Variants in GAPVD1 observed in about 807,000 individuals in gnomAD.
The protein encoded by GAPVD1 is GTPase activating protein and VPS9 domains 1.
In GAPVD1, 35 loss-of-function variants were observed where a neutral mutation model predicts 155.5. The observed-to-expected ratio is 0.23, with a 90% confidence interval of 0.17 to 0.30. GAPVD1 has a LOEUF of 0.30. Ranked by LOEUF, GAPVD1 falls within the 10% of genes least tolerant of loss-of-function variation. The pLI is 1.00. For missense variants in GAPVD1, 1,429 were observed against 1,775.7 expected (o/e 0.80, Z 3.51); for synonymous variants, 636 against 619.7 (o/e 1.03, Z -0.39).
intron 12 of GAPVD1, among the ~76,000 whole-genome samples, chr9:125,328,859 G>A (rs529262153): frequency 6.6e-6 from 1 of 152,188 alleles, no homozygotes; most frequent in Admixed American, 6.5e-5. Flanking sequence ...CCTCCCGGAC[G>A]GGGCGGCTGG....
chr9:125,299,494 A>G lies in GAPVD1; in HGVS notation c.185+388A>G, dbSNP rs146022549. Among the ~76,000 whole-genome samples the G allele has an allele frequency of 9.4e-3, 1,423 of 151,878 alleles. 12 individuals carry two copies. Among genetic ancestry groups the G allele is most frequent in the Middle Eastern group, 0.014 (4 of 292 alleles). ...AAGATGGTGAAACTCCGTCTCTACT[A>G]AAAATACAACAATTATCTGGGCATT... On this transcript the variant is annotated intron_variant, in intron 4 of 27. Transcript: ENST00000297933.
chr9:125,366,996 C>T lies in GAPVD1; in HGVS notation c.*4250C>T, dbSNP rs975637078. On this transcript the variant is annotated 3_prime_UTR_variant, in exon 28 of 28. Coordinates refer to ENST00000297933, the MANE Select transcript of GAPVD1 (RefSeq NM_001282680.3). ...AATTCACCTCTGTCAAATTAATACT[C>T]TCCTGTCTACTGGATTCTTCTTGTG... is the stretch of plus-strand genomic sequence containing the variant. 3 of 152,186 alleles carry T rather than the reference C, an allele frequency of 2.0e-5. No homozygotes were observed. Among genetic ancestry groups the T allele is most frequent in the African/African-American group, 7.2e-5 (3 of 41,430 alleles). The allele number at this position is 152,186 out of a possible 1,614,324, so 9.4% of individuals were successfully genotyped here. A position where few individuals can be genotyped will look rare whatever the true frequency, so the allele number is the denominator to read the frequency against.
rs548532146 is a variant in GAPVD1 at position 125,365,186 on chromosome 9, G to A, written c.*2440G>A. ...GGGTGCTCATGACTCCATAGCTGGC[G>A]GAGGAGCACAGCACAGCTGTTGCAG... On this transcript the variant is annotated 3_prime_UTR_variant, in exon 28 of 28. Coordinates refer to ENST00000297933, the MANE Select transcript of GAPVD1 (RefSeq NM_001282680.3). 6.6e-6 allele frequency: 1 copy of A among 152,186 alleles called. No homozygotes were observed. The highest frequency in any genetic ancestry group is 2.4e-5 in the African/African-American group (1 of 41,442). 9.4% of individuals were successfully genotyped at this position (152,186 alleles called of 1,614,324 possible). A position where few individuals can be genotyped will look rare whatever the true frequency, so the allele number is the denominator to read the frequency against.
intron 1 of GAPVD1, chr9:125,263,576 C>T (rs1833324538): frequency 6.5e-6 from 9 of 1,392,490 alleles, no homozygotes; most frequent in Non-Finnish European, 9.0e-6. Flanking sequence ...AGAATCCTCT[C>T]CAATTTTACT....
At chr9:125,307,308 A>T in intron 6 of GAPVD1, 105 bp from the exon 7 acceptor site, 5 of 720,830 alleles carry the variant, frequency 6.9e-6, no homozygotes, top group Non-Finnish European at 8.6e-6. Context: ...AAAAAATATG[A>T]TTTTTAAGAT....
At chr9:125,337,700 C>A in intron 17 of GAPVD1, 109 bp downstream of exon 17, 1 of 1,088,522 alleles carries the variant, frequency 9.2e-7, no homozygotes, top group South Asian at 1.6e-5. Context: ...AGAGAGTAGT[C>A]ATGATTAAAG....
chr9:125,289,864 G>A (rs1434186806), intron 2 of GAPVD1, among the ~76,000 whole-genome samples: 3 of 152,164 alleles, frequency 2.0e-5, no homozygotes, highest in Admixed American at 2.0e-4. Context: ...TCTGAAGATT[G>A]AGCCTTGGGG....
chr9:125,309,844 C>T (rs878890155), intron 8 of GAPVD1: 3 of 323,666 alleles, frequency 9.3e-6, no homozygotes, highest in South Asian at 5.3e-5. Context: ...TGTTACCTGG[C>T]TATTGCATTT....
At chr9:125,342,846 C>CT (rs534599112) in intron 19 of GAPVD1, among the ~76,000 whole-genome samples, 37 of 152,234 alleles carry the variant, frequency 2.4e-4, no homozygotes, top group African/African-American at 8.4e-4. Flanking sequence ...GTTTTAAAAA[C>CT]TTTACTAATT....
At chr9:125,314,858 G>A (rs1843171815) in intron 9 of GAPVD1, among the ~76,000 whole-genome samples, 1 of 149,540 alleles carries the variant, frequency 6.7e-6, no homozygotes, top group African/African-American at 2.5e-5. Context: ...TGCGATCTCG[G>A]CTCACTGCGA....
chr9:125,360,710 G>A lies in GAPVD1; in HGVS notation c.4227G>A (p.Val1409=), dbSNP rs372346628. ...PGADDFVPVL[V]FVLIKANPPC... ...CGGATGACTTTGTTCCTGTGTTGGT[G>A]TTTGTGTTGATAAAGGTGGGCCCCT... The change falls in exon 27 of 28, where the codon GTG becomes GTA. Residue 1409 remains valine, a synonymous_variant. Coordinates refer to ENST00000297933, the MANE Select transcript of GAPVD1 (RefSeq NM_001282680.3). 1.9e-6 allele frequency: 3 copies of A among 1,613,784 alleles called. No homozygotes were observed. The highest frequency in any genetic ancestry group is 2.5e-6 in the Non-Finnish European group (3 of 1,179,762).
In GAPVD1 at chr9:125,274,430, A is replaced by G. The variant is rs115961022; in HGVS notation, c.-150+5446A>G. Among the ~76,000 whole-genome samples, 744 of 151,324 alleles carry G rather than the reference A, an allele frequency of 4.9e-3. 8 individuals are homozygous for G. The highest frequency in any genetic ancestry group is 0.017 in the African/African-American group (699 of 41,280). On this transcript the variant is annotated intron_variant, in intron 2 of 27. Transcript: ENST00000297933. The stretch of plus-strand genomic sequence containing the variant: ...ATTTGAATTATTTTCCCCCAAAATT[A>G]TAGTTAACATTATATATAATAAGCG...
At chr9:125,361,512 A>G (rs1490671485) in intron 27 of GAPVD1, among the ~76,000 whole-genome samples, 1 of 151,726 alleles carries the variant, frequency 6.6e-6, no homozygotes, top group Non-Finnish European at 1.5e-5. Context: ...CAACAGAGTG[A>G]GACTCCATCT....
At chr9:125,337,691 G>C (rs1452728312) in intron 17 of GAPVD1, 100 bp downstream of exon 17, 6 of 1,130,688 alleles carry the variant, frequency 5.3e-6, no homozygotes, top group Non-Finnish European at 7.5e-6. Context: ...ATTACAGATA[G>C]AGAGTAGTCA....
chr9:125,329,816 A>C (rs1189320572), intron 12 of GAPVD1, among the ~76,000 whole-genome samples: 2 of 151,866 alleles, frequency 1.3e-5, no homozygotes, highest in East Asian at 3.9e-4. Flanking sequence ...CAAGTAGCTG[A>C]GACTACCGGT....
intron 10 of GAPVD1, among the ~76,000 whole-genome samples, chr9:125,323,264 G>T (rs1306050224): frequency 6.6e-6 from 1 of 150,932 alleles, no homozygotes; most frequent in Non-Finnish European, 1.5e-5. Flanking sequence ...GTGCCATCAG[G>T]CCGGCTAATT....
chr9:125,292,553 C>T lies in GAPVD1; in HGVS notation c.-149-2905C>T, dbSNP rs148253311. Among the ~76,000 whole-genome samples, 275 of 152,080 alleles carry T rather than the reference C, an allele frequency of 1.8e-3. 1 individual carries two copies. The highest frequency in any genetic ancestry group is 6.0e-3 in the African/African-American group (247 of 41,492). On this transcript the variant is annotated intron_variant, in intron 2 of 27. Transcript: ENST00000297933. ...GATTACAGGTGTGCACCACCAAGCC[C>T]GGCTAATTTTTGTATTTTTACTAGA...
intron 9 of GAPVD1, among the ~76,000 whole-genome samples, chr9:125,318,987 C>G (rs1280117836): frequency 6.6e-6 from 1 of 151,752 alleles, no homozygotes; most frequent in African/African-American, 2.4e-5. Context: ...ACCAGCCTGG[C>G]CAACATGGTG....
At chr9:125,362,558 G>A (rs757252157) in intron 27 of GAPVD1, 48 bp from the exon 28 acceptor site, 1 of 1,464,216 alleles carries the variant, frequency 6.8e-7, no homozygotes, top group Non-Finnish European at 9.3e-7. Flanking sequence ...TTTTGGCAGA[G>A]CTATGACATC....
Sources: gnomAD v4.1 joint callset for allele counts (sites outside exome capture counted in the v4.1 genomes callset) on GRCh38, gnomAD v4.1.1 for gene constraint, MANE v1.5 for transcripts, NCBI Gene and HGNC (gene_info 2026-07-23, HGNC 2026-07-21) for gene names.